DGKI: variants seen among roughly 807,000 people sequenced by gnomAD.
DGKI encodes DAG kinase iota.
Under a neutral mutation model 147.5 loss-of-function variants are expected in DGKI, and 55 were observed. That is an observed-to-expected ratio of 0.37 (90% confidence interval 0.30 to 0.47). The LOEUF (loss-of-function observed/expected upper bound fraction) is 0.47, where lower values mean the gene tolerates loss of function less well. DGKI is among the 20% of genes least tolerant of loss of function. DGKI has a pLI of 1.00. For missense variants in DGKI, 1,007 were observed against 1,323.8 expected (o/e 0.76, Z 3.71); for synonymous variants, 469 against 477.1 (o/e 0.98, Z 0.22).
At chr7:137,522,407 A>C (rs28401380) in intron 20 of DGKI, among the ~76,000 whole-genome samples, 13,978 of 152,024 alleles carry the variant, frequency 0.092, 1,388 homozygotes, top group African/African-American at 0.24. Context: ...ACTATCTTTA[A>C]AAAGCAGACC....
intron 3 of DGKI, among the ~76,000 whole-genome samples, chr7:137,668,155 G>C (rs978562748): frequency 3.3e-5 from 5 of 152,214 alleles, no homozygotes; most frequent in African/African-American, 9.7e-5. Flanking sequence ...GATGAGGATA[G>C]ATAAGAAATA....
At chr7:137,451,605 G>A (rs1813959058) in intron 27 of DGKI, among the ~76,000 whole-genome samples, 1 of 152,172 alleles carries the variant, frequency 6.6e-6, no homozygotes, top group African/African-American at 2.4e-5. Context: ...ACTTTATAAA[G>A]TATTGCACCT....
intron 1 of DGKI, among the ~76,000 whole-genome samples, chr7:137,777,235 T>C (rs1012603733): frequency 6.6e-6 from 1 of 152,104 alleles, no homozygotes; most frequent in Non-Finnish European, 1.5e-5. Context: ...TTAGTATATA[T>C]GCATGGTAGT....
chr7:137,593,735 T>A (rs946642357), intron 12 of DGKI, among the ~76,000 whole-genome samples: 1 of 146,542 alleles, frequency 6.8e-6, no homozygotes, highest in African/African-American at 2.8e-5. Context: ...CATATTGAAA[T>A]GATACTATTT....
At chr7:137,730,857 T>G (rs964147827) in intron 1 of DGKI, among the ~76,000 whole-genome samples, 1 of 152,070 alleles carries the variant, frequency 6.6e-6, no homozygotes, top group African/African-American at 2.4e-5. Flanking sequence ...AGCTTTTTCA[T>G]TAATGTAAAA....
chr7:137,643,223 G>A (rs1034718100), intron 6 of DGKI, among the ~76,000 whole-genome samples: 3 of 149,020 alleles, frequency 2.0e-5, no homozygotes, highest in Admixed American at 1.4e-4. Context: ...CCTGGGAGGC[G>A]GAGCTTGCAG....
At chr7:137,593,724 A>G (rs1423907937) in intron 12 of DGKI, among the ~76,000 whole-genome samples, 2 of 152,004 alleles carry the variant, frequency 1.3e-5, no homozygotes, top group Admixed American at 6.5e-5. Context: ...ATAAATTAAC[A>G]CATATTGAAA....
At chr7:137,477,094 C>T (rs1042354608) in intron 23 of DGKI, among the ~76,000 whole-genome samples, 1 of 152,156 alleles carries the variant, frequency 6.6e-6, no homozygotes, top group Non-Finnish European at 1.5e-5. Context: ...CTGTTTCTTA[C>T]CAGACAGTTT....
At chr7:137,707,726 T>C (rs1794082427) in intron 1 of DGKI, among the ~76,000 whole-genome samples, 1 of 152,202 alleles carries the variant, frequency 6.6e-6, no homozygotes, top group Non-Finnish European at 1.5e-5. Context: ...AGAAGCCACT[T>C]TACTTCCTGT....
chr7:137,595,254 G>A lies in DGKI; in HGVS notation c.1311+2593C>T, dbSNP rs74427192. Among the ~76,000 whole-genome samples the A allele has an allele frequency of 3.6e-4, 55 of 152,322 alleles. 1 individual carries two copies. In the East Asian group the frequency reaches 7.1e-3, roughly 20 times the overall value. Reference sequence around the variant, plus strand: ...GTCTACATGTCAGGAGGCTGACAATGGCATCAGAGAGATCACAGACATTCG... The same window carrying A: ...GTCTACATGTCAGGAGGCTGACAATAGCATCAGAGAGATCACAGACATTCG... On this transcript the variant is annotated intron_variant, in intron 12 of 32. Coordinates refer to ENST00000614521, the MANE Select transcript of DGKI (RefSeq NM_001321708.2).
At chr7:137,517,188 AAAAAG>A (rs900401966) in intron 21 of DGKI, among the ~76,000 whole-genome samples, 10 of 150,626 alleles carry the variant, frequency 6.6e-5, no homozygotes, top group South Asian at 4.2e-4. Flanking sequence ...AGGTCATAAG[AAAAAG>A]AAAAGAAAAG....
At chr7:137,691,821 T>TTTTGTTTTTTTTTTTTA (rs1554458869) in intron 1 of DGKI, among the ~76,000 whole-genome samples, 1 of 141,996 alleles carries the variant, frequency 7.0e-6, no homozygotes, top group African/African-American at 2.8e-5. Flanking sequence ...TTTTTTTTTT[T>TTTTGTTTTTTTTTTTTA]AAGCCTCTTG....
intron 12 of DGKI, among the ~76,000 whole-genome samples, chr7:137,593,938 CT>C (rs1819702860): frequency 1.3e-5 from 2 of 152,176 alleles, no homozygotes; most frequent in Admixed American, 1.3e-4. Flanking sequence ...TTCAGAAGGT[CT>C]CAAAAGAGGT....
chr7:137,458,759 C>T (rs35761356), intron 27 of DGKI, among the ~76,000 whole-genome samples: 18,891 of 152,208 alleles, frequency 0.12, 2,519 homozygotes, highest in African/African-American at 0.34. Context: ...AATTCCCTCT[C>T]TATTAATCTT....
intron 21 of DGKI, among the ~76,000 whole-genome samples, chr7:137,513,187 T>C (rs1015717168): frequency 3.3e-5 from 5 of 152,184 alleles, no homozygotes; most frequent in Non-Finnish European, 7.4e-5. Context: ...GAACTTCTGT[T>C]TCTCCCTAGC....
intron 1 of DGKI, among the ~76,000 whole-genome samples, chr7:137,808,598 A>T (rs1797455322): frequency 6.6e-6 from 1 of 152,242 alleles, no homozygotes; most frequent in African/African-American, 2.4e-5. Context: ...AGCAGGCACA[A>T]ATAATGAGGC....
intron 17 of DGKI, among the ~76,000 whole-genome samples, chr7:137,576,071 C>G (rs568031112): frequency 1.4e-5 from 2 of 139,466 alleles, no homozygotes; most frequent in East Asian, 4.1e-4. Flanking sequence ...CGGAGTGTTG[C>G]TCTGTCGCCC....
chr7:137,529,591 T>C (rs1368067332), intron 20 of DGKI, among the ~76,000 whole-genome samples: 2 of 152,216 alleles, frequency 1.3e-5, no homozygotes, highest in African/African-American at 4.8e-5. Flanking sequence ...TTAACAAGTA[T>C]AGCAGTTTCA....
intron 5 of DGKI, among the ~76,000 whole-genome samples, chr7:137,647,867 G>C (rs1276660189): frequency 6.6e-6 from 1 of 152,330 alleles, no homozygotes; most frequent in East Asian, 1.9e-4. Flanking sequence ...CACATTATCA[G>C]AGGGCTTGAC....
Sources: gnomAD v4.1 joint callset for allele counts (sites outside exome capture counted in the v4.1 genomes callset) on GRCh38, gnomAD v4.1.1 for gene constraint, MANE v1.5 for transcripts, NCBI Gene and HGNC (gene_info 2026-07-23, HGNC 2026-07-21) for gene names.